AFF1: variants seen among roughly 807,000 people sequenced by gnomAD.
The protein encoded by AFF1 is AF4/FMR2 family member 1.
Under a neutral mutation model 121.7 loss-of-function variants are expected in AFF1, and 48 were observed. The ratio of observed to expected loss-of-function variants is 0.39; its 90% CI spans 0.31 to 0.50. The LOEUF is 0.50. Ranked by LOEUF, AFF1 falls within the 20% of genes least tolerant of loss-of-function variation. AFF1 has a pLI of 0.76. For missense variants in AFF1, 1,523 were observed against 1,511.7 expected (o/e 1.01, Z -0.12); for synonymous variants, 613 against 563.0 (o/e 1.09, Z -1.26).
At chr4:87,109,663 A>T (rs1354698857) in intron 11 of AFF1, among the ~76,000 whole-genome samples, 1 of 152,248 alleles carries the variant, frequency 6.6e-6, no homozygotes, top group African/African-American at 2.4e-5. Flanking sequence ...CATCGAAAAG[A>T]TAATTAACAT....
rs1377171812 is a variant in AFF1 at position 87,139,547 on chromosome 4, T to A, written c.*3846T>A. On this transcript the variant is annotated 3_prime_UTR_variant, in exon 21 of 21. Transcript: ENST00000395146. ...TCTTTAGAAACACAAGAGTATAGAT[T>A]TTTCTCACTGAAAAGTGAGAGTTAC... 4.3e-6 allele frequency: 1 copy of A among 230,616 alleles called. No homozygotes were observed. The highest frequency in any genetic ancestry group is 1.8e-4 in the South Asian group (1 of 5,510). The allele number at this position is 230,616 out of a possible 1,614,324, so 14.3% of individuals were successfully genotyped here. A position where few individuals can be genotyped will look rare whatever the true frequency, so the allele number is the denominator to read the frequency against.
At chr4:87,016,773 C>G (rs1026967340) in intron 2 of AFF1, among the ~76,000 whole-genome samples, 1 of 152,070 alleles carries the variant, frequency 6.6e-6, no homozygotes, top group Non-Finnish European at 1.5e-5. Context: ...GTAAATATGC[C>G]TTTTCTGGGC....
At chr4:86,949,933 G>A (rs934198363) in intron 2 of AFF1, 225 of 1,614,010 alleles carry the variant, frequency 1.4e-4, no homozygotes, top group Non-Finnish European at 1.8e-4. Context: ...TGGACCCAGC[G>A]GGCCGCAGGT....
chr4:87,008,204 T>C (rs1726366806), intron 2 of AFF1, among the ~76,000 whole-genome samples: 1 of 152,246 alleles, frequency 6.6e-6, no homozygotes, highest in Non-Finnish European at 1.5e-5. Context: ...ACATTCTCTT[T>C]CAACTGTGTT....
chr4:87,073,105 A>T (rs1387939072), intron 4 of AFF1, among the ~76,000 whole-genome samples: 1 of 151,866 alleles, frequency 6.6e-6, no homozygotes, highest in Non-Finnish European at 1.5e-5. Flanking sequence ...TTGATAGGTT[A>T]TAGAAAAGCA....
intron 2 of AFF1, among the ~76,000 whole-genome samples, chr4:86,997,452 C>A (rs1300853502): frequency 1.3e-5 from 2 of 152,062 alleles, no homozygotes; most frequent in Non-Finnish European, 2.9e-5. Context: ...AAGGCACATG[C>A]ATTCTAAATA....
chr4:86,988,681 GA>G (rs1388477974), intron 2 of AFF1, among the ~76,000 whole-genome samples: 1 of 152,100 alleles, frequency 6.6e-6, no homozygotes, highest in African/African-American at 2.4e-5. Context: ...CACAGAATTA[GA>G]AAAAACTACT....
At chr4:87,022,206 C>CAAAAAAAA (rs11296179) in intron 2 of AFF1, among the ~76,000 whole-genome samples, 2 of 76,058 alleles carry the variant, frequency 2.6e-5, no homozygotes, top group Non-Finnish European at 4.9e-5. Flanking sequence ...GACTCCATCT[C>CAAAAAAAA]AAAAAAAAAA....
chr4:87,104,684 AT>A (rs1725735782), intron 8 of AFF1, among the ~76,000 whole-genome samples: 1 of 152,194 alleles, frequency 6.6e-6, no homozygotes, highest in Non-Finnish European at 1.5e-5. Context: ...AAAATTGTTG[AT>A]CAGATTTTTG....
intron 2 of AFF1, among the ~76,000 whole-genome samples, chr4:86,969,166 C>CT (rs1560507851): frequency 6.6e-6 from 1 of 152,036 alleles, no homozygotes; most frequent in Non-Finnish European, 1.5e-5. Context: ...TGGCTTGAGA[C>CT]TTTTTTTCTT....
At chr4:87,024,875 T>G (rs2149569918) in intron 2 of AFF1, among the ~76,000 whole-genome samples, 1 of 152,310 alleles carries the variant, frequency 6.6e-6, no homozygotes, top group East Asian at 1.9e-4. Flanking sequence ...ATCACAGGCG[T>G]GAGCCACTGC....
chr4:87,135,541 G>T, intron 20 of AFF1, 39 bp from the exon 21 acceptor site: 1 of 1,489,254 alleles, frequency 6.7e-7, no homozygotes, highest in East Asian at 2.4e-5. Context: ...GTGTGCTTGT[G>T]TATTTACTTG....
intron 11 of AFF1, among the ~76,000 whole-genome samples, chr4:87,109,005 A>G (rs966184661): frequency 6.6e-6 from 1 of 152,248 alleles, no homozygotes; most frequent in Non-Finnish European, 1.5e-5. Context: ...GTTGAGCACA[A>G]GAAATTGTTA....
rs1250417317 is a variant in AFF1 at position 87,114,576 on chromosome 4, A to G, written c.1743A>G (p.Pro581=). The change falls in exon 12 of 21, where the codon CCA becomes CCG. Residue 581 remains proline (P), a synonymous_variant. Coordinates refer to ENST00000395146, the MANE Select transcript of AFF1 (RefSeq NM_001166693.3). ...PKSSSKAPRA[P]PEAPHPGKRS... Reference sequence around the variant, plus strand: ...GCTCCAGCAAAGCCCCCCGGGCCCCACCCGAAGCCCCCCACCCCGGAAAGA... The same window carrying G: ...GCTCCAGCAAAGCCCCCCGGGCCCCGCCCGAAGCCCCCCACCCCGGAAAGA... 1.8e-6 allele frequency: 1 copy of G among 543,628 alleles called. No homozygotes were observed. The allele number at this position is 543,628 out of a possible 1,614,324, so 33.7% of individuals were successfully genotyped here.
At chr4:87,058,105 A>C (rs1029367915) in intron 4 of AFF1, among the ~76,000 whole-genome samples, 2 of 152,116 alleles carry the variant, frequency 1.3e-5, no homozygotes, top group Non-Finnish European at 2.9e-5. Flanking sequence ...TAACCTTGTG[A>C]GTTAAGTATG....
intron 8 of AFF1, among the ~76,000 whole-genome samples, chr4:87,102,817 C>T (rs150359877): frequency 2.6e-5 from 4 of 152,316 alleles, no homozygotes; most frequent in Non-Finnish European, 5.9e-5. Context: ...GATTTGGATT[C>T]TCTTGTCATG....
intron 1 of AFF1, among the ~76,000 whole-genome samples, chr4:86,942,374 T>A (rs1369848076): frequency 1.3e-5 from 2 of 152,230 alleles, no homozygotes; most frequent in African/African-American, 2.4e-5. Context: ...TCTGTCCAGA[T>A]AAGCAGTGAG....
intron 2 of AFF1, chr4:87,036,647 C>T (rs1467495861): frequency 9.4e-6 from 3 of 319,886 alleles, no homozygotes; most frequent in Non-Finnish European, 1.8e-5. Context: ...AAGACAAGTT[C>T]TTGTGTTTTT....
chr4:87,132,144 A>T, intron 18 of AFF1, 127 bp from the exon 19 acceptor site: 1 of 1,070,940 alleles, frequency 9.3e-7, no homozygotes, highest in Non-Finnish European at 1.3e-6. Flanking sequence ...GAGCAGTAAG[A>T]TACTTTACAT....
Sources: allele counts gnomAD v4.1 joint callset (sites outside exome capture counted in the v4.1 genomes callset), GRCh38; gene constraint gnomAD v4.1.1; transcripts MANE v1.5; gene names NCBI Gene and HGNC (gene_info 2026-07-23, HGNC 2026-07-21).